MAP3K5: variants seen among roughly 807,000 people sequenced by gnomAD.
MAP3K5 encodes ASK-1.
Under a neutral mutation model 158.7 loss-of-function variants are expected in MAP3K5, and 56 were observed. The observed-to-expected ratio is 0.35, with a 90% confidence interval of 0.28 to 0.44. The LOEUF is 0.44. Ranked by LOEUF, MAP3K5 falls within the 20% of genes least tolerant of loss-of-function variation. The probability of loss-of-function intolerance (pLI) is 1.00; values close to 1 mark genes in which losing one functional copy is unlikely to be tolerated. For synonymous variants in MAP3K5, 579 were observed against 601.7 expected (o/e 0.96, Z 0.55); for missense variants, 1,294 against 1,674.8 (o/e 0.77, Z 3.97).
chr6:136,611,577 AG>A (rs1776348005), intron 17 of MAP3K5, among the ~76,000 whole-genome samples, 190 bp from the exon 18 acceptor site: 1 of 152,242 alleles, frequency 6.6e-6, no homozygotes, highest in Non-Finnish European at 1.5e-5. Flanking sequence ...ACATATTATC[AG>A]TTTGAAACCA....
At chr6:136,720,937 G>A (rs575609352) in intron 1 of MAP3K5, among the ~76,000 whole-genome samples, 12 of 152,112 alleles carry the variant, frequency 7.9e-5, no homozygotes, top group African/African-American at 1.2e-4. Flanking sequence ...GTGGCATCAC[G>A]CCCAGCTAAT....
chr6:136,631,230 A>AGAAT (rs1187086109), intron 14 of MAP3K5, among the ~76,000 whole-genome samples: 1 of 152,240 alleles, frequency 6.6e-6, no homozygotes, highest in African/African-American at 2.4e-5. Context: ...CGTTCCCAAC[A>AGAAT]GAATGAATGA....
intron 24 of MAP3K5, among the ~76,000 whole-genome samples, chr6:136,581,788 AATTTAC>A (rs1350232532): frequency 2.6e-5 from 4 of 152,196 alleles, no homozygotes; most frequent in Non-Finnish European, 5.9e-5. Flanking sequence ...TTCTTTAAAA[AATTTAC>A]ATACTGGCTG....
chr6:136,783,101 T>C (rs1784685627), intron 1 of MAP3K5, among the ~76,000 whole-genome samples: 1 of 152,036 alleles, frequency 6.6e-6, no homozygotes, highest in South Asian at 2.1e-4. Context: ...TCCAGGAGTT[T>C]GAGACCAGCC....
intron 25 of MAP3K5, among the ~76,000 whole-genome samples, chr6:136,569,385 G>A (rs1180442835): frequency 2.6e-5 from 4 of 152,094 alleles, no homozygotes; most frequent in African/African-American, 9.7e-5. Flanking sequence ...TATTCTCTCT[G>A]TAGCTTGTTA....
rs1359129178 is a variant in MAP3K5, at chr6:136,626,030, C to CATAGGG, written c.2017-3050_2017-3049insCCCTAT. ...ACTGAGATATGACATAGGGAAACTA[C>CATAGGG]AAAATACGAAAGACAAAAAGATCAT... On this transcript the variant is annotated intron_variant, in intron 14 of 29. Transcript: ENST00000359015. Among the ~76,000 whole-genome samples the CATAGGG allele has an allele frequency of 9.9e-5, 15 of 152,088 alleles. 1 individual carries two copies. Among genetic ancestry groups the CATAGGG allele is most frequent in the Non-Finnish European group, 1.5e-5 (1 of 67,992 alleles).
chr6:136,567,665 C>T lies in MAP3K5; in HGVS notation c.3727G>A (p.Val1243Ile), dbSNP rs747886519. The T allele has an allele frequency of 6.8e-6, 11 of 1,614,072 alleles. No homozygotes were observed. Among genetic ancestry groups the T allele is most frequent in the Non-Finnish European group, 5.9e-6 (7 of 1,180,038 alleles). ...DSQSAHRSLN[V>I]QLGRMKIETN... Reference sequence around the variant, plus strand: ...TCTATTTTCATCCTTCCAAGCTGTACATTCAGTGACCGGTGAGCACTCTGG... The same window carrying T: ...TCTATTTTCATCCTTCCAAGCTGTATATTCAGTGACCGGTGAGCACTCTGG... Residue 1243 changes from valine to isoleucine, a missense_variant, in exon 26 of 30, where the codon GTA becomes ATA. Coordinates refer to ENST00000359015, the MANE Select transcript of MAP3K5 (RefSeq NM_005923.4).
intron 1 of MAP3K5, among the ~76,000 whole-genome samples, chr6:136,726,227 C>A (rs1781959894): frequency 6.6e-6 from 1 of 152,090 alleles, no homozygotes; most frequent in South Asian, 2.1e-4. Flanking sequence ...ACCAAAAAAT[C>A]CTGGGATTTT....
Position 136,567,705 on chromosome 6 carries a change from A to G in MAP3K5, c.3687T>C (p.Thr1229=). Reference sequence around the variant, plus strand: ...GAGCACTCTGGGAATCATGAGACACAGTAGAACTGAGCGTGCTCACGCCTG... The same window carrying G: ...GAGCACTCTGGGAATCATGAGACACGGTAGAACTGAGCGTGCTCACGCCTG... ...ATSGVSTLSS[T]VSHDSQSAHR... The change falls in exon 26 of 30, where the codon ACT becomes ACC. Residue 1229 remains threonine (T), a synonymous_variant. Coordinates refer to ENST00000359015, the MANE Select transcript of MAP3K5 (RefSeq NM_005923.4). 6.2e-7 allele frequency: 1 copy of G among 1,614,176 alleles called. No homozygotes were observed. The highest frequency in any genetic ancestry group is 8.5e-7 in the Non-Finnish European group (1 of 1,180,030).
Position 136,704,524 on chromosome 6 carries a change from A to G in MAP3K5, c.612+586T>C, listed in dbSNP as rs534284143. 5.5e-4 allele frequency among the ~76,000 whole-genome samples: 84 copies of G among 152,266 alleles called. 1 individual carries two copies. The highest frequency in any genetic ancestry group is 3.3e-3 in the South Asian group (16 of 4,822). On this transcript the variant is annotated intron_variant, in intron 3 of 29. Transcript: ENST00000359015. The stretch of plus-strand genomic sequence containing the variant: ...GCCACTCATAATTCCACAACATTGA[A>G]TACACTATAAAAGATTTTCTTTTTA...
chr6:136,781,596 T>C (rs1784614710), intron 1 of MAP3K5, among the ~76,000 whole-genome samples: 1 of 152,244 alleles, frequency 6.6e-6, no homozygotes, highest in African/African-American at 2.4e-5. Context: ...GCCGCTCTCA[T>C]AGCCTTTCCA....
chr6:136,697,908 C>T (rs979915052), intron 4 of MAP3K5, among the ~76,000 whole-genome samples: 21 of 152,210 alleles, frequency 1.4e-4, no homozygotes, highest in Middle Eastern at 3.4e-3. Context: ...CCACACCTGG[C>T]TAATTTTTGT....
intron 10 of MAP3K5, among the ~76,000 whole-genome samples, chr6:136,652,546 G>A (rs914465968): frequency 2.6e-5 from 4 of 152,024 alleles, no homozygotes; most frequent in African/African-American, 7.2e-5. Context: ...TCTGAGTATC[G>A]CAATGTATAT....
chr6:136,604,792 C>T (rs1478111602), intron 19 of MAP3K5, among the ~76,000 whole-genome samples: 5 of 151,638 alleles, frequency 3.3e-5, no homozygotes, highest in African/African-American at 1.2e-4. Flanking sequence ...AAAATGAAGC[C>T]TTCAAACTAT....
chr6:136,739,150 G>C (rs1182955486), intron 1 of MAP3K5, among the ~76,000 whole-genome samples: 3 of 152,178 alleles, frequency 2.0e-5, no homozygotes, highest in African/African-American at 7.2e-5. Flanking sequence ...CAAAGTAATG[G>C]TGTCTGAAGG....
chr6:136,576,450 C>T (rs1315474422), intron 25 of MAP3K5, among the ~76,000 whole-genome samples: 1 of 152,066 alleles, frequency 6.6e-6, no homozygotes, highest in Non-Finnish European at 1.5e-5. Context: ...TAGCTATGGG[C>T]ATGCACCACT....
intron 1 of MAP3K5, among the ~76,000 whole-genome samples, chr6:136,784,657 G>A (rs1458607906): frequency 1.3e-5 from 2 of 152,086 alleles, no homozygotes; most frequent in African/African-American, 2.4e-5. Context: ...GCTGCAGGGC[G>A]GTTCCAATCA....
chr6:136,630,893 G>C (rs567655914), intron 14 of MAP3K5, among the ~76,000 whole-genome samples: 1 of 152,242 alleles, frequency 6.6e-6, no homozygotes, highest in African/African-American at 2.4e-5. Flanking sequence ...ATTTTGGGAG[G>C]CCAAGGCAGC....
At chr6:136,592,061 G>T in intron 23 of MAP3K5, 112 bp downstream of exon 23, 1 of 881,972 alleles carries the variant, frequency 1.1e-6, no homozygotes, top group South Asian at 2.8e-5. Flanking sequence ...TTATCATGAT[G>T]ATCACTACAG....
Sources: allele counts gnomAD v4.1 joint callset (sites outside exome capture counted in the v4.1 genomes callset), GRCh38; gene constraint gnomAD v4.1.1; transcripts MANE v1.5; gene names NCBI Gene and HGNC (gene_info 2026-07-23, HGNC 2026-07-21).